KCNJ3: variants seen among roughly 807,000 people sequenced by gnomAD.
The protein encoded by KCNJ3 is potassium inwardly rectifying channel subfamily J member 3, also known as G protein-activated inward rectifier potassium channel 1.
KCNJ3 carries 4 observed loss-of-function variants against 39.2 expected under a neutral mutation model. That is an observed-to-expected ratio of 0.10 (90% CI 0.05 to 0.23). The LOEUF is 0.23. KCNJ3 is among the 10% of genes least tolerant of loss of function. The pLI is 1.00. For missense variants in KCNJ3, 276 were observed against 634.9 expected (o/e 0.43, Z 6.08); for synonymous variants, 230 against 237.4 (o/e 0.97, Z 0.29).
intron 2 of KCNJ3, among the ~76,000 whole-genome samples, chr2:154,829,893 A>G (rs1246928240): frequency 6.6e-6 from 1 of 152,106 alleles, no homozygotes; most frequent in Non-Finnish European, 1.5e-5. Context: ...AGTGATGTTG[A>G]GCACTTTTTA....
intron 2 of KCNJ3, among the ~76,000 whole-genome samples, chr2:154,846,763 G>A (rs1687669592): frequency 6.7e-6 from 1 of 148,958 alleles, no homozygotes; most frequent in Non-Finnish European, 1.5e-5. Flanking sequence ...TGTTCTGTTG[G>A]TCATTGTTAA....
chr2:154,815,862 C>T (rs1687076103), intron 2 of KCNJ3, among the ~76,000 whole-genome samples: 1 of 152,154 alleles, frequency 6.6e-6, no homozygotes, highest in Non-Finnish European at 1.5e-5. Context: ...AAACCCAGTT[C>T]TTCCACATAT....
At chr2:154,814,151 C>T (rs1041492945) in intron 2 of KCNJ3, among the ~76,000 whole-genome samples, 1 of 152,068 alleles carries the variant, frequency 6.6e-6, no homozygotes, top group African/African-American at 2.4e-5. Flanking sequence ...GTTTAATTTT[C>T]TTTTTAAAAC....
chr2:154,716,993 G>C (rs1685192055), intron 2 of KCNJ3, among the ~76,000 whole-genome samples: 1 of 152,192 alleles, frequency 6.6e-6, no homozygotes, highest in Non-Finnish European at 1.5e-5. Context: ...TCAAGTATTA[G>C]CACTGTGTAC....
At chr2:154,792,761 G>T (rs568523885) in intron 2 of KCNJ3, among the ~76,000 whole-genome samples, 1 of 152,068 alleles carries the variant, frequency 6.6e-6, no homozygotes, top group East Asian at 1.9e-4. Flanking sequence ...TAGTTATTTG[G>T]GTGTTTTTAA....
At chr2:154,728,317 G>T (rs1040731819) in intron 2 of KCNJ3, among the ~76,000 whole-genome samples, 1 of 152,120 alleles carries the variant, frequency 6.6e-6, no homozygotes, top group African/African-American at 2.4e-5. Context: ...CTACTTGCTT[G>T]TTGGATGCTT....
chr2:154,730,286 T>A (rs1482171748), intron 2 of KCNJ3, among the ~76,000 whole-genome samples: 1 of 152,010 alleles, frequency 6.6e-6, no homozygotes, highest in Admixed American at 6.6e-5. Context: ...GTAGTTTTAG[T>A]TGTACATATT....
intron 2 of KCNJ3, among the ~76,000 whole-genome samples, chr2:154,742,862 A>G (rs1277963660): frequency 6.6e-6 from 1 of 151,804 alleles, no homozygotes; most frequent in Non-Finnish European, 1.5e-5. Flanking sequence ...TGAAGCAAAA[A>G]AAATTAAGTT....
intron 2 of KCNJ3, among the ~76,000 whole-genome samples, chr2:154,838,929 G>A (rs1412526420): frequency 6.6e-6 from 1 of 151,218 alleles, no homozygotes; most frequent in East Asian, 1.9e-4. Flanking sequence ...ATTTTTTTAA[G>A]CTAGAAATTT....
At position 154,742,333 on chromosome 2, in the gene KCNJ3, G is replaced by T. The variant is rs181576187; in HGVS notation, c.919+32514G>T. 5.3e-5 allele frequency among the ~76,000 whole-genome samples: 8 copies of T among 151,972 alleles called. No homozygotes were observed. In the South Asian group the frequency reaches 1.4e-3, roughly 28 times the overall value. On this transcript the variant is annotated intron_variant, in intron 2 of 2. Coordinates refer to ENST00000295101, the MANE Select transcript of KCNJ3 (RefSeq NM_002239.4). The stretch of plus-strand genomic sequence containing the variant: ...TAGCTAATGTGAATACTGCTGTAGT[G>T]AACATGGGTGTACACATATCTCTTT...
chr2:154,840,841 G>C (rs1230523547), intron 2 of KCNJ3, among the ~76,000 whole-genome samples: 1 of 152,116 alleles, frequency 6.6e-6, no homozygotes, highest in Admixed American at 6.6e-5. Context: ...GGGCTGAGAT[G>C]ATGGGGTTTT....
intron 2 of KCNJ3, among the ~76,000 whole-genome samples, chr2:154,815,388 C>T (rs1687067345): frequency 6.6e-6 from 1 of 152,142 alleles, no homozygotes; most frequent in Non-Finnish European, 1.5e-5. Flanking sequence ...GCAGGAACTG[C>T]ATCTTTTGTT....
chr2:154,790,028 A>G (rs1295956503), intron 2 of KCNJ3, among the ~76,000 whole-genome samples: 2 of 152,204 alleles, frequency 1.3e-5, no homozygotes, highest in South Asian at 2.1e-4. Flanking sequence ...TTCATTCCCT[A>G]TAGGAAAAAA....
intron 2 of KCNJ3, among the ~76,000 whole-genome samples, chr2:154,778,317 A>T (rs1227359062): frequency 6.6e-6 from 1 of 152,198 alleles, no homozygotes; most frequent in Non-Finnish European, 1.5e-5. Context: ...GTCATAGCTT[A>T]TAATTTGTAT....
chr2:154,752,721 C>G (rs1479261965), intron 2 of KCNJ3, among the ~76,000 whole-genome samples: 1 of 151,920 alleles, frequency 6.6e-6, no homozygotes, highest in Non-Finnish European at 1.5e-5. Flanking sequence ...TTGATATCCC[C>G]AACTATAAAT....
In KCNJ3 at chr2:154,700,182, A is replaced by G. The variant is rs374966408; in HGVS notation, c.702+705A>G. Among the ~76,000 whole-genome samples, 7 of 152,314 alleles carry G rather than the reference A, an allele frequency of 4.6e-5. No homozygotes were observed. In the South Asian group the frequency reaches 1.2e-3, roughly 27 times the overall value. ...TCCTGTAGAGCCTCTTGTTAATTTT[A>G]TTCTTAATTGCCTGTTTCTGTGAAG... On this transcript the variant is annotated intron_variant, in intron 1 of 2. Transcript: ENST00000295101.
At chr2:154,719,108 A>G (rs1433655333) in intron 2 of KCNJ3, among the ~76,000 whole-genome samples, 1 of 152,182 alleles carries the variant, frequency 6.6e-6, no homozygotes, top group Non-Finnish European at 1.5e-5. Context: ...TCTTATTAAA[A>G]TGCTGACTTG....
At chr2:154,753,137 T>C (rs533296134) in intron 2 of KCNJ3, among the ~76,000 whole-genome samples, 2 of 152,182 alleles carry the variant, frequency 1.3e-5, no homozygotes, top group Non-Finnish European at 2.9e-5. Flanking sequence ...GTAGCAAGAC[T>C]TTTTCAGTGA....
intron 2 of KCNJ3, among the ~76,000 whole-genome samples, chr2:154,803,535 T>C (rs915684314): frequency 6.6e-6 from 1 of 151,422 alleles, no homozygotes; most frequent in African/African-American, 2.4e-5. Context: ...TAAAGGTTGA[T>C]AAATCACACT....
Sources: allele counts gnomAD v4.1 joint callset (sites outside exome capture counted in the v4.1 genomes callset), GRCh38; gene constraint gnomAD v4.1.1; transcripts MANE v1.5; gene names NCBI Gene and HGNC (gene_info 2026-07-23, HGNC 2026-07-21).